Variants in RAB11FIP4 observed in about 807,000 individuals in gnomAD.
The protein encoded by RAB11FIP4 is RAB11 family interacting protein 4.
In RAB11FIP4, 23 loss-of-function variants were observed where a neutral mutation model predicts 74.3. The ratio of observed to expected loss-of-function variants is 0.31; its 90% confidence interval spans 0.22 to 0.44. The LOEUF (loss-of-function observed/expected upper bound fraction) is 0.44. Among genes scored for constraint, RAB11FIP4 ranks in the 20% least tolerant of loss-of-function variants. The pLI, the probability that RAB11FIP4 is intolerant of heterozygous loss-of-function variation, is 1.00. For missense variants in RAB11FIP4, 630 were observed against 863.9 expected, an observed-to-expected ratio of 0.73 and a Z score of 3.39; for synonymous variants, 360 against 359.9, an observed-to-expected ratio of 1.00 and a Z score of 0.00.
intron 3 of RAB11FIP4, chr17:31,509,308 GA>G (rs1316924902): frequency 6.6e-6 from 1 of 151,830 alleles, no homozygotes; most frequent in Non-Finnish European, 1.5e-5. Context: ...AGCACCTGGG[GA>G]ACCCCAGTTG....
chr17:31,515,266 T>C (rs777849381), intron 3 of RAB11FIP4, among the ~76,000 whole-genome samples: 1 of 151,848 alleles, frequency 6.6e-6, no homozygotes, highest in Non-Finnish European at 1.5e-5. Context: ...ATGTGATAGG[T>C]TGGGAGCCAT....
chr17:31,450,920 C>T (rs1036203270), intron 3 of RAB11FIP4, among the ~76,000 whole-genome samples: 3 of 151,668 alleles, frequency 2.0e-5, no homozygotes, highest in Non-Finnish European at 4.4e-5. Context: ...GGCACCACCT[C>T]CCCTACCTGG....
intron 1 of RAB11FIP4, among the ~76,000 whole-genome samples, chr17:31,406,749 C>A (rs1259750495): frequency 1.3e-5 from 2 of 151,872 alleles, no homozygotes; most frequent in Non-Finnish European, 2.9e-5. Context: ...ATTTTAAAGT[C>A]AGTTCTATAT....
In RAB11FIP4 at chr17:31,536,243, C is replaced by T. The variant is rs368989701; in HGVS notation, c.*4511C>T. 3 of 152,126 alleles carry T rather than the reference C, an allele frequency of 2.0e-5. No homozygotes were observed. The highest frequency in any genetic ancestry group is 7.2e-5 in the African/African-American group (3 of 41,392). 9.4% of individuals were successfully genotyped at this position (152,126 alleles called of 1,614,324 possible). A position where few individuals can be genotyped will look rare whatever the true frequency, so the allele number is the denominator to read the frequency against. ...GGCACGGTGGCTCACACCTGTAATC[C>T]CAGCACTTTGGGAGGCCAAGGCAGG... On this transcript the variant is annotated 3_prime_UTR_variant, in exon 15 of 15. Coordinates refer to ENST00000621161, the MANE Select transcript of RAB11FIP4 (RefSeq NM_032932.6).
chr17:31,452,462 G>A (rs2071535632), intron 3 of RAB11FIP4, among the ~76,000 whole-genome samples: 1 of 152,152 alleles, frequency 6.6e-6, no homozygotes, highest in Non-Finnish European at 1.5e-5. Flanking sequence ...GGGCTCTCTC[G>A]CTTTCCTGTG....
At chr17:31,438,295 A>G (rs178851) in intron 3 of RAB11FIP4, among the ~76,000 whole-genome samples, 82,518 of 151,850 alleles carry the variant, frequency 0.54, 22,756 homozygotes, top group Admixed American at 0.63. Context: ...CTCAGCAGGC[A>G]GTAATGTGAA....
At chr17:31,502,619 A>C (rs2072243497) in intron 3 of RAB11FIP4, among the ~76,000 whole-genome samples, 1 of 152,174 alleles carries the variant, frequency 6.6e-6, no homozygotes, top group Admixed American at 6.5e-5. Context: ...TTGACCTTTA[A>C]AAAGTTCTCT....
At chr17:31,461,319 T>C (rs2071632336) in intron 3 of RAB11FIP4, among the ~76,000 whole-genome samples, 1 of 152,092 alleles carries the variant, frequency 6.6e-6, no homozygotes, top group African/African-American at 2.4e-5. Flanking sequence ...CCCTCACCAG[T>C]TCCTGAGGTG....
At chr17:31,519,550 C>T (rs1284691183) in intron 4 of RAB11FIP4, among the ~76,000 whole-genome samples, 1 of 152,098 alleles carries the variant, frequency 6.6e-6, no homozygotes, top group Admixed American at 6.5e-5. Context: ...ACCATTGTGG[C>T]TGAGGAAGCC....
intron 2 of RAB11FIP4, among the ~76,000 whole-genome samples, chr17:31,433,362 G>A (rs2071327709): frequency 6.6e-6 from 1 of 152,204 alleles, no homozygotes; most frequent in Admixed American, 6.5e-5. Context: ...AACGATGCAG[G>A]GTGAGGGATG....
At chr17:31,504,510 C>T (rs904444048) in intron 3 of RAB11FIP4, among the ~76,000 whole-genome samples, 5 of 152,286 alleles carry the variant, frequency 3.3e-5, no homozygotes, top group South Asian at 2.1e-4. Context: ...TCATGATAAG[C>T]GCTCGCCTCG....
intron 3 of RAB11FIP4, among the ~76,000 whole-genome samples, chr17:31,445,578 A>ATATTTTT (rs1555544413): frequency 6.1e-5 from 1 of 16,298 alleles, no homozygotes; most frequent in Non-Finnish European, 1.1e-4. Context: ...ATATATATAT[A>ATATTTTT]TTTTTTTTTT....
chr17:31,431,336 A>G (rs2071307500), intron 1 of RAB11FIP4, among the ~76,000 whole-genome samples: 1 of 152,194 alleles, frequency 6.6e-6, no homozygotes, highest in Non-Finnish European at 1.5e-5. Flanking sequence ...ATTGAAGTGC[A>G]AGGTACAAAT....
intron 3 of RAB11FIP4, among the ~76,000 whole-genome samples, chr17:31,486,063 G>A (rs552238956): frequency 6.8e-5 from 10 of 147,548 alleles, no homozygotes; most frequent in African/African-American, 1.8e-4. Context: ...GTGAAACCCC[G>A]TCTCTACTAA....
In RAB11FIP4 at chr17:31,530,485, G is replaced by A. The variant is rs2072850952; in HGVS notation, c.1797+16G>A. On this transcript the variant is annotated intron_variant, in intron 14 of 14. Coordinates refer to ENST00000621161, the MANE Select transcript of RAB11FIP4 (RefSeq NM_032932.6). ...GCGCGATGAGGTAACCACACCACCG[G>A]CTCTTGCTTTGGGGCCTGGCCGCCC... is the stretch of plus-strand genomic sequence containing the variant. The A allele has an allele frequency of 6.2e-7, 1 of 1,605,290 alleles. No individual in the cohort carries two copies. The highest frequency in any genetic ancestry group is 2.2e-5 in the East Asian group (1 of 44,596).
intron 1 of RAB11FIP4, among the ~76,000 whole-genome samples, chr17:31,404,784 G>C (rs1003520255): frequency 2.0e-5 from 3 of 152,188 alleles, no homozygotes; most frequent in African/African-American, 7.2e-5. Context: ...GCTTGTGCAG[G>C]TGTGGCTGAG....
At chr17:31,497,778 G>A (rs375222047) in intron 3 of RAB11FIP4, among the ~76,000 whole-genome samples, 1 of 152,146 alleles carries the variant, frequency 6.6e-6, no homozygotes, top group Non-Finnish European at 1.5e-5. Flanking sequence ...CTGAGTGTGC[G>A]CTGCTGGCTA....
chr17:31,410,872 T>TC (rs2071087279), intron 1 of RAB11FIP4, among the ~76,000 whole-genome samples: 3 of 152,198 alleles, frequency 2.0e-5, no homozygotes, highest in South Asian at 2.1e-4. Flanking sequence ...CAATCTGGAT[T>TC]CCCCTCTCAG....
intron 1 of RAB11FIP4, among the ~76,000 whole-genome samples, chr17:31,420,221 T>A (rs1470868312): frequency 1.3e-5 from 2 of 152,126 alleles, no homozygotes; most frequent in African/African-American, 4.8e-5. Context: ...TGTAAGACTG[T>A]AATGATATCT....
Sources: allele counts gnomAD v4.1 joint callset (sites outside exome capture counted in the v4.1 genomes callset), GRCh38; gene constraint gnomAD v4.1.1; transcripts MANE v1.5; gene names NCBI Gene and HGNC (gene_info 2026-07-23, HGNC 2026-07-21).